Variants in PRDM5 observed in about 807,000 individuals in gnomAD.
PRDM5 encodes the protein PR domain zinc finger protein 5.
Under a neutral mutation model 81.2 loss-of-function variants are expected in PRDM5, and 56 were observed. That is an observed-to-expected ratio of 0.69 (90% CI 0.56 to 0.86). The LOEUF (loss-of-function observed/expected upper bound fraction) is 0.86. PRDM5 is among the 40% of genes least tolerant of loss of function. The pLI is 0.00. For synonymous variants in PRDM5, 267 were observed against 256.4 expected (o/e 1.04, Z -0.39); for missense variants, 697 against 770.1 (o/e 0.91, Z 1.12).
chr4:120,754,014 T>C (rs1744370241), intron 14 of PRDM5, among the ~76,000 whole-genome samples: 1 of 152,184 alleles, frequency 6.6e-6, no homozygotes, highest in Non-Finnish European at 1.5e-5. Context: ...AGTGAGAGTG[T>C]TGACAGCAAA....
chr4:120,786,890 T>C (rs1190612624), intron 10 of PRDM5, among the ~76,000 whole-genome samples: 1 of 152,226 alleles, frequency 6.6e-6, no homozygotes, highest in African/African-American at 2.4e-5. Flanking sequence ...TAAAATTTCA[T>C]TCATCGTTTT....
chr4:120,902,654 C>T (rs1765347882), intron 2 of PRDM5, among the ~76,000 whole-genome samples: 1 of 152,160 alleles, frequency 6.6e-6, no homozygotes, highest in Non-Finnish European at 1.5e-5. Flanking sequence ...ATCCAGAGTT[C>T]TTCTGCTTAA....
At chr4:120,734,221 C>T (rs1173099129) in intron 14 of PRDM5, among the ~76,000 whole-genome samples, 3 of 150,688 alleles carry the variant, frequency 2.0e-5, no homozygotes, top group Non-Finnish European at 3.0e-5. Flanking sequence ...AGAGAGGAGC[C>T]GCTGTAGGGG....
In PRDM5 at chr4:120,808,725, C is replaced by T. The variant is rs112796283; in HGVS notation, c.945+2645G>A. ...CCACGGCAATGGGGAGGCTCAGGCACGGTGGGCTGCAGGTCCCGTGCCCTC... is the reference window on the plus strand; with the variant it reads ...CCACGGCAATGGGGAGGCTCAGGCATGGTGGGCTGCAGGTCCCGTGCCCTC... On this transcript the variant is annotated intron_variant, in intron 8 of 15. Coordinates refer to ENST00000264808, the MANE Select transcript of PRDM5 (RefSeq NM_018699.4). Among the ~76,000 whole-genome samples the T allele has an allele frequency of 6.2e-3, 941 of 152,292 alleles. 9 individuals carry two copies. The highest frequency in any genetic ancestry group is 0.021 in the African/African-American group (890 of 41,572).
chr4:120,808,923 G>T (rs1753419033), intron 8 of PRDM5, among the ~76,000 whole-genome samples: 2 of 152,236 alleles, frequency 1.3e-5, no homozygotes, highest in African/African-American at 4.8e-5. Flanking sequence ...GCCGCAGGCA[G>T]CCCCGGTTCC....
chr4:120,893,728 T>C (rs1207159909), intron 2 of PRDM5, among the ~76,000 whole-genome samples: 1 of 152,254 alleles, frequency 6.6e-6, no homozygotes, highest in Non-Finnish European at 1.5e-5. Flanking sequence ...TTTCTACTGC[T>C]AATTATTTTA....
chr4:120,893,445 C>A (rs1205194750), intron 2 of PRDM5, among the ~76,000 whole-genome samples: 2 of 152,184 alleles, frequency 1.3e-5, no homozygotes, highest in Non-Finnish European at 1.5e-5. Context: ...CTCTAGTCCA[C>A]CATTTTGGCC....
At chr4:120,710,263 T>C in intron 15 of PRDM5, 46 bp downstream of exon 15, 1 of 1,505,886 alleles carries the variant, frequency 6.6e-7, no homozygotes, top group Non-Finnish European at 9.2e-7. Flanking sequence ...ACACCCCTAC[T>C]TTCTGTTATT....
At chr4:120,875,839 A>G (rs1048494225) in intron 2 of PRDM5, among the ~76,000 whole-genome samples, 3 of 152,222 alleles carry the variant, frequency 2.0e-5, no homozygotes, top group African/African-American at 7.2e-5. Flanking sequence ...CTTACAGGAT[A>G]GATGCCATGT....
intron 3 of PRDM5, among the ~76,000 whole-genome samples, chr4:120,845,698 G>C (rs1758574781): frequency 6.6e-6 from 1 of 152,160 alleles, no homozygotes; most frequent in Admixed American, 6.6e-5. Context: ...CATGGATCAA[G>C]GATAAATTTC....
intron 14 of PRDM5, among the ~76,000 whole-genome samples, chr4:120,739,878 T>C (rs1422263424): frequency 6.6e-6 from 1 of 152,032 alleles, no homozygotes. Context: ...AGATTAAGAA[T>C]AGAGGGCACT....
intron 11 of PRDM5, among the ~76,000 whole-genome samples, chr4:120,782,671 C>A (rs1749207134): frequency 6.6e-6 from 1 of 152,044 alleles, no homozygotes; most frequent in African/African-American, 2.4e-5. Flanking sequence ...TATTCTTATA[C>A]ACTATCTTTA....
chr4:120,919,077 T>C (rs576886943), intron 1 of PRDM5, among the ~76,000 whole-genome samples: 19 of 152,186 alleles, frequency 1.2e-4, no homozygotes, highest in African/African-American at 4.6e-4. Flanking sequence ...GAGAATCTCC[T>C]GGCTGGCTCA....
intron 2 of PRDM5, among the ~76,000 whole-genome samples, chr4:120,886,390 G>A (rs181782839): frequency 2.0e-4 from 31 of 152,224 alleles, no homozygotes; most frequent in African/African-American, 7.0e-4. Context: ...CCCAACAGCA[G>A]GACAGCTGTA....
intron 14 of PRDM5, among the ~76,000 whole-genome samples, chr4:120,721,358 TA>T (rs1738573800): frequency 6.6e-6 from 1 of 152,194 alleles, no homozygotes; most frequent in African/African-American, 2.4e-5. Context: ...CTGATTTAAC[TA>T]GTTTGGGTAG....
chr4:120,789,563 A>G (rs911139419), intron 10 of PRDM5, among the ~76,000 whole-genome samples: 1 of 152,230 alleles, frequency 6.6e-6, no homozygotes, highest in African/African-American at 2.4e-5. Context: ...TATGTTTGCT[A>G]GAACGATTAT....
At chr4:120,897,486 T>C (rs764706323) in intron 2 of PRDM5, among the ~76,000 whole-genome samples, 12 of 152,196 alleles carry the variant, frequency 7.9e-5, no homozygotes, top group Non-Finnish European at 1.8e-4. Flanking sequence ...GCTTCCTCAA[T>C]TCATCAGATA....
At chr4:120,813,103 T>A (rs1754062295) in intron 7 of PRDM5, 1 of 153,202 alleles carries the variant, frequency 6.5e-6, no homozygotes, top group African/African-American at 2.4e-5. Context: ...TGGCAATTCA[T>A]ACTATTACTC....
chr4:120,712,202 C>A (rs1174027298), intron 14 of PRDM5, among the ~76,000 whole-genome samples: 1 of 152,114 alleles, frequency 6.6e-6, no homozygotes, highest in Non-Finnish European at 1.5e-5. Context: ...AGGAGAATCG[C>A]TTGAACCCAG....
Sources: gnomAD v4.1 joint callset for allele counts (sites outside exome capture counted in the v4.1 genomes callset) on GRCh38, gnomAD v4.1.1 for gene constraint, MANE v1.5 for transcripts, NCBI Gene and HGNC (gene_info 2026-07-23, HGNC 2026-07-21) for gene names.